SH3BGRL2: variants seen among roughly 807,000 people sequenced by gnomAD.
SH3BGRL2 encodes SH3 domain-binding glutamic acid-rich-like protein 2.
In SH3BGRL2, 21 loss-of-function variants were observed where a neutral mutation model predicts 14.8. The ratio of observed to expected loss-of-function variants is 1.42; its 90% CI spans 1.01 to 2.05. SH3BGRL2 has a LOEUF of 2.05. Among genes scored for constraint, SH3BGRL2 ranks in the 30% most tolerant of loss-of-function variants. The probability of loss-of-function intolerance (pLI) is 0.00; values close to 1 mark genes in which losing one functional copy is unlikely to be tolerated. For synonymous variants in SH3BGRL2, 50 were observed against 47.8 expected, an observed-to-expected ratio of 1.05 and a Z score of -0.19; for missense variants, 147 against 130.8, an observed-to-expected ratio of 1.12 and a Z score of -0.61.
In SH3BGRL2 at chr6:79,673,817, TATC is replaced by T. The variant is rs1769827517; in HGVS notation, c.231+21_231+23del. 2 of 1,604,214 alleles carry T rather than the reference TATC, an allele frequency of 1.2e-6. No homozygotes were observed. The highest frequency in any genetic ancestry group is 1.7e-6 in the Non-Finnish European group (2 of 1,174,828). On this transcript the variant is annotated intron_variant, in intron 2 of 3. Transcript: ENST00000369838. ...ACTGTGGAGTAAGTGGCTAGACTGT[TATC>T]ATGCTGTTTCTTTTTATTGTTCAGA...
the SH3BGRL2 span, among the ~76,000 whole-genome samples, chr6:79,562,964 C>T: frequency 6.6e-6 from 1 of 151,900 alleles, no homozygotes; most frequent in Non-Finnish European, 1.5e-5. Flanking sequence ...TGTTTGTTTG[C>T]TTGTTTTTTG....
chr6:79,667,978 C>A (rs993874234), intron 1 of SH3BGRL2, among the ~76,000 whole-genome samples: 18 of 82,072 alleles, frequency 2.2e-4, no homozygotes, highest in African/African-American at 8.2e-4. Flanking sequence ...TGTTCTTATT[C>A]AATCTCAATG....
intron 1 of SH3BGRL2, among the ~76,000 whole-genome samples, chr6:79,666,207 C>G (rs567143426): frequency 1.6e-4 from 25 of 152,278 alleles, no homozygotes; most frequent in African/African-American, 5.3e-4. Context: ...TTCTCTTGGC[C>G]TTTTCTGATG....
At chr6:79,590,879 A>G in the SH3BGRL2 span, among the ~76,000 whole-genome samples, 2 of 152,206 alleles carry the variant, frequency 1.3e-5, no homozygotes, top group African/African-American at 4.8e-5. Context: ...ATATTTTGAC[A>G]CAAACATTTT....
chr6:79,600,758 CT>C, the SH3BGRL2 span, among the ~76,000 whole-genome samples: 1 of 152,302 alleles, frequency 6.6e-6, no homozygotes, highest in East Asian at 1.9e-4. Context: ...GTCTATCTTC[CT>C]TAATGCTGAG....
At chr6:79,590,424 G>GATAT in the SH3BGRL2 span, among the ~76,000 whole-genome samples, 6,795 of 65,306 alleles carry the variant, frequency 0.1, 604 homozygotes, top group African/African-American at 0.12. Flanking sequence ...AAGAAAATGT[G>GATAT]ATATATATAT....
At chr6:79,615,512 C>T in the SH3BGRL2 span, among the ~76,000 whole-genome samples, 1 of 152,148 alleles carries the variant, frequency 6.6e-6, no homozygotes, top group African/African-American at 2.4e-5. Context: ...AGATAAAGCA[C>T]TTACCAGACA....
the SH3BGRL2 span, among the ~76,000 whole-genome samples, chr6:79,601,898 A>G: frequency 6.6e-6 from 1 of 151,924 alleles, no homozygotes; most frequent in Non-Finnish European, 1.5e-5. Flanking sequence ...ATATGCAACT[A>G]CAATAGTAAA....
chr6:79,673,922 A>C, intron 2 of SH3BGRL2, 123 bp downstream of exon 2: 1 of 963,318 alleles, frequency 1.0e-6, no homozygotes, highest in Non-Finnish European at 1.5e-6. Flanking sequence ...ATTCAGATCC[A>C]CATGTCTAAC....
At chr6:79,684,930 G>A (rs1257870853) in intron 2 of SH3BGRL2, among the ~76,000 whole-genome samples, 2 of 152,160 alleles carry the variant, frequency 1.3e-5, no homozygotes, top group African/African-American at 4.8e-5. Flanking sequence ...GATACCAGGA[G>A]GGGAAAAGTT....
chr6:79,666,706 G>C (rs1047492860), intron 1 of SH3BGRL2, among the ~76,000 whole-genome samples: 1 of 152,016 alleles, frequency 6.6e-6, no homozygotes. Flanking sequence ...TGTAAGTTTC[G>C]TCAAGCTGTT....
chr6:79,596,155 T>C, the SH3BGRL2 span, among the ~76,000 whole-genome samples: 4 of 152,166 alleles, frequency 2.6e-5, no homozygotes, highest in Admixed American at 2.6e-4. Context: ...TACAAAACCT[T>C]CTGGGTTTTT....
At chr6:79,538,679 G>A in the SH3BGRL2 span, among the ~76,000 whole-genome samples, 1 of 152,296 alleles carries the variant, frequency 6.6e-6, no homozygotes, top group African/African-American at 2.4e-5. Context: ...AAGTTGCTAG[G>A]AAGAATCAGA....
At position 79,673,078 on chromosome 6, in the gene SH3BGRL2, C is replaced by T. The variant is rs568870662; in HGVS notation, c.46-536C>T. On this transcript the variant is annotated intron_variant, in intron 1 of 3. Coordinates refer to ENST00000369838, the MANE Select transcript of SH3BGRL2 (RefSeq NM_031469.4). Reference sequence around the variant, plus strand: ...ATGTCAACATCTCAGATAGTCTATACGTGGTTTTCAGATGGTTTTGGGCAA... The same window carrying T: ...ATGTCAACATCTCAGATAGTCTATATGTGGTTTTCAGATGGTTTTGGGCAA... 2.5e-4 allele frequency among the ~76,000 whole-genome samples: 36 copies of T among 143,840 alleles called. 1 individual carries two copies. Among genetic ancestry groups the T allele is most frequent in the South Asian group, 2.4e-3 (10 of 4,254 alleles). The allele number at this position is 143,840 out of a possible 152,430, so 94.4% of individuals were successfully genotyped here. A position where few individuals can be genotyped will look rare whatever the true frequency, so the allele number is the denominator to read the frequency against.
the SH3BGRL2 span, among the ~76,000 whole-genome samples, chr6:79,611,701 C>G: frequency 6.6e-6 from 1 of 152,140 alleles, no homozygotes; most frequent in Non-Finnish European, 1.5e-5. Flanking sequence ...CGTGAGCCAC[C>G]ACGCCTGGCC....
intron 3 of SH3BGRL2, among the ~76,000 whole-genome samples, chr6:79,697,025 C>G (rs886567255): frequency 6.6e-6 from 1 of 151,942 alleles, no homozygotes. Context: ...TATTTTGAAG[C>G]CACTTTTTAT....
chr6:79,595,719 T>G, the SH3BGRL2 span, among the ~76,000 whole-genome samples: 133 of 152,348 alleles, frequency 8.7e-4, no homozygotes, highest in Non-Finnish European at 1.7e-3. Flanking sequence ...TTTGTCATAC[T>G]TAATGGTAAA....
At chr6:79,626,825 A>G (rs776832220), upstream of SH3BGRL2, among the ~76,000 whole-genome samples, 1 of 152,170 alleles carries the variant, frequency 6.6e-6, no homozygotes, top group Non-Finnish European at 1.5e-5. Flanking sequence ...TCTCTAATCA[A>G]TATCACCTGC....
chr6:79,576,779 G>A, the SH3BGRL2 span, among the ~76,000 whole-genome samples: 4 of 152,000 alleles, frequency 2.6e-5, no homozygotes, highest in Non-Finnish European at 5.9e-5. Flanking sequence ...TTTCTTTGAT[G>A]CCCCTTCTAA....
Sources: gnomAD v4.1 joint callset for allele counts (sites outside exome capture counted in the v4.1 genomes callset) on GRCh38, gnomAD v4.1.1 for gene constraint, MANE v1.5 for transcripts, NCBI Gene and HGNC (gene_info 2026-07-23, HGNC 2026-07-21) for gene names.